ARFIP1: variants seen among roughly 807,000 people sequenced by gnomAD.
ARFIP1 encodes the protein arfaptin-1.
Under a neutral mutation model 42.5 loss-of-function variants are expected in ARFIP1, and 24 were observed. The ratio of observed to expected loss-of-function variants is 0.57; its 90% CI spans 0.41 to 0.80. ARFIP1 has a LOEUF of 0.80. ARFIP1 is among the 30% of genes least tolerant of loss of function. The pLI is 0.00. For synonymous variants in ARFIP1, 141 were observed against 153.7 expected, an observed-to-expected ratio of 0.92 and a Z score of 0.61; for missense variants, 354 against 434.0, an observed-to-expected ratio of 0.82 and a Z score of 1.64.
chr4:152,889,946 AT>A (rs1290706135), intron 8 of ARFIP1, among the ~76,000 whole-genome samples: 1 of 142,128 alleles, frequency 7.0e-6, no homozygotes, highest in Non-Finnish European at 1.5e-5. Context: ...TACACTATAT[AT>A]TTTAGTCATA....
In ARFIP1 at chr4:152,910,054, C is replaced by A; in HGVS notation, c.967-10C>A. On this transcript the variant is annotated splice_polypyrimidine_tract_variant and intron_variant, in intron 8 of 8. Coordinates refer to ENST00000353617, the MANE Select transcript of ARFIP1 (RefSeq NM_001025595.3). ...TAATGCTTGGTCTTGTAACTCTGCCCTGTCCACAGGTTAAAGTATTGCACA... is the reference window on the plus strand; with the variant it reads ...TAATGCTTGGTCTTGTAACTCTGCCATGTCCACAGGTTAAAGTATTGCACA... 6.2e-7 allele frequency: 1 copy of A among 1,613,102 alleles called. No homozygotes were observed. Among genetic ancestry groups the A allele is most frequent in the Non-Finnish European group, 8.5e-7 (1 of 1,179,650 alleles).
chr4:152,904,058 T>C (rs1405216335), intron 8 of ARFIP1, among the ~76,000 whole-genome samples: 1 of 151,622 alleles, frequency 6.6e-6, no homozygotes. Flanking sequence ...TTTTAAGTTA[T>C]TTTTATTTTT....
intron 1 of ARFIP1, among the ~76,000 whole-genome samples, chr4:152,793,327 G>GATATAT (rs915022932): frequency 1.4e-5 from 2 of 143,734 alleles, no homozygotes; most frequent in Admixed American, 1.4e-4. Flanking sequence ...AAAAAAAAAT[G>GATATAT]ATATATATAT....
chr4:152,781,234 CTTTTTTTT>C (rs535397594), intron 1 of ARFIP1, among the ~76,000 whole-genome samples: 12 of 118,920 alleles, frequency 1.0e-4, no homozygotes, highest in South Asian at 2.7e-4. Context: ...TTTCTTTTTT[CTTTTTTTT>C]TTTTTTTTTT....
Position 152,910,182 on chromosome 4 carries a change from C to T in ARFIP1, c.1085C>T (p.Pro362Leu), listed in dbSNP as rs199675470. 2 of 1,613,934 alleles carry T rather than the reference C, an allele frequency of 1.2e-6. No homozygotes were observed. Among genetic ancestry groups the T allele is most frequent in the Admixed American group, 1.7e-5 (1 of 59,986 alleles). ...CAGTTCCATATCAAATTGAAAACCC[C>T]TGGAGTGGATGCCCCATCTTGGCTT... The part of the protein sequence containing the change: ...LKQFHIKLKT[P>L]GVDAPSWLEE... The change falls in exon 9 of 9, where the codon CCT (proline) becomes CTT (leucine). Residue 362 changes from proline to leucine, a missense_variant. Pro to Leu is a moderately conservative substitution (Grantham distance 98). Coordinates refer to ENST00000353617, the MANE Select transcript of ARFIP1 (RefSeq NM_001025595.3).
At chr4:152,856,367 C>T (rs1733435113) in intron 2 of ARFIP1, among the ~76,000 whole-genome samples, 1 of 152,128 alleles carries the variant, frequency 6.6e-6, no homozygotes, top group South Asian at 2.1e-4. Context: ...CTTCTGTATC[C>T]CAGGGTCCAC....
At chr4:152,900,087 A>G (rs543927208) in intron 8 of ARFIP1, among the ~76,000 whole-genome samples, 73 of 152,142 alleles carry the variant, frequency 4.8e-4, no homozygotes, top group Non-Finnish European at 7.9e-4. Context: ...AGCTATATTG[A>G]TCACGTCTAA....
chr4:152,851,229 A>G (rs1017374636), intron 2 of ARFIP1, among the ~76,000 whole-genome samples: 1 of 152,202 alleles, frequency 6.6e-6, no homozygotes, highest in Non-Finnish European at 1.5e-5. Flanking sequence ...GGAAGAGAGG[A>G]TATAGACAAA....
intron 2 of ARFIP1, among the ~76,000 whole-genome samples, chr4:152,860,043 A>G (rs1733762006): frequency 6.6e-6 from 1 of 152,188 alleles, no homozygotes; most frequent in Non-Finnish European, 1.5e-5. Context: ...GGTCAGTTTT[A>G]CATATAAGAA....
intron 1 of ARFIP1, among the ~76,000 whole-genome samples, chr4:152,809,461 A>G (rs571987538): frequency 6.6e-6 from 1 of 152,346 alleles, no homozygotes; most frequent in South Asian, 2.1e-4. Context: ...ATTAATTTCA[A>G]AAGATTAAAA....
At chr4:152,790,940 G>A (rs1269204529) in intron 1 of ARFIP1, among the ~76,000 whole-genome samples, 1 of 151,064 alleles carries the variant, frequency 6.6e-6, no homozygotes, top group Non-Finnish European at 1.5e-5. Flanking sequence ...GTTTTGCCAG[G>A]TTGCCCAGGC....
chr4:152,833,250 A>AG (rs1014401112), intron 2 of ARFIP1, among the ~76,000 whole-genome samples: 3 of 152,092 alleles, frequency 2.0e-5, no homozygotes, highest in African/African-American at 7.2e-5. Flanking sequence ...TTCAAAAAAA[A>AG]AAAAAAAGTA....
chr4:152,832,291 G>T (rs2149848205), intron 2 of ARFIP1, among the ~76,000 whole-genome samples: 1 of 152,184 alleles, frequency 6.6e-6, no homozygotes, highest in Admixed American at 6.5e-5. Flanking sequence ...TCTTTTAATG[G>T]TATCCCATTG....
intron 8 of ARFIP1, among the ~76,000 whole-genome samples, chr4:152,896,487 A>C (rs1418813818): frequency 6.6e-6 from 1 of 152,250 alleles, no homozygotes; most frequent in Non-Finnish European, 1.5e-5. Flanking sequence ...ATAGCAAAGC[A>C]CAAAGTAGTG....
intron 2 of ARFIP1, among the ~76,000 whole-genome samples, chr4:152,840,890 T>TTG (rs1255978357): frequency 6.6e-6 from 1 of 150,886 alleles, no homozygotes; most frequent in Non-Finnish European, 1.5e-5. Context: ...CAGCTATTTT[T>TTG]TGTATTTTTG....
intron 1 of ARFIP1, 22 bp from the exon 2 acceptor site, chr4:152,829,602 CT>C (rs747392701): frequency 5.2e-6 from 8 of 1,550,192 alleles, no homozygotes; most frequent in South Asian, 1.2e-5. Context: ...AGTTACGGCG[CT>C]TTTTTTCTTC....
intron 1 of ARFIP1, chr4:152,809,590 C>T (rs1729287336): frequency 6.6e-6 from 1 of 152,042 alleles, no homozygotes; most frequent in Non-Finnish European, 1.5e-5. Context: ...CTTGCTGTAC[C>T]CTTTAGGAAT....
chr4:152,850,810 G>A (rs751176001), intron 2 of ARFIP1: 1 of 152,210 alleles, frequency 6.6e-6, no homozygotes, highest in Non-Finnish European at 1.5e-5. Flanking sequence ...ATATTGATAA[G>A]TAGAATGTTG....
Position 152,882,875 on chromosome 4 carries a change from T to C in ARFIP1, c.786T>C (p.Ser262=). 1 of 1,605,278 alleles carries C rather than the reference T, an allele frequency of 6.2e-7. No homozygotes were observed. Among genetic ancestry groups the C allele is most frequent in the Non-Finnish European group, 8.5e-7 (1 of 1,176,718 alleles). The change falls in exon 7 of 9, where the codon AGT becomes AGC. Residue 262 remains serine, a synonymous_variant. Transcript: ENST00000353617. ...TAATGACTGTGAAACAGTATGAAAGTGCCAGGTAAGGTATACATTTTCACT... is the reference window on the plus strand; with the variant it reads ...TAATGACTGTGAAACAGTATGAAAGCGCCAGGTAAGGTATACATTTTCACT... ...DTLMTVKQYE[S]ARIEYDAYRT... is the part of the protein sequence containing the mutation.
Sources: gnomAD v4.1 joint callset for allele counts (sites outside exome capture counted in the v4.1 genomes callset) on GRCh38, gnomAD v4.1.1 for gene constraint, MANE v1.5 for transcripts, NCBI Gene and HGNC (gene_info 2026-07-23, HGNC 2026-07-21) for gene names.